The following FBXW4 variants were observed in gnomAD, a reference collection of about 807,000 sequenced individuals.
The protein encoded by FBXW4 is F-box and WD repeat domain containing 4.
FBXW4 carries 40 observed loss-of-function variants against 61.8 expected under a neutral mutation model. The ratio of observed to expected loss-of-function variants is 0.65; its 90% CI spans 0.50 to 0.84. The LOEUF (loss-of-function observed/expected upper bound fraction) is 0.84, where lower values mean the gene tolerates loss of function less well. FBXW4 is among the 40% of genes least tolerant of loss of function. The pLI, the probability that FBXW4 is intolerant of heterozygous loss-of-function variation, is 0.00. For missense variants in FBXW4, 672 were observed against 753.8 expected (o/e 0.89, Z 1.27); for synonymous variants, 311 against 313.8 (o/e 0.99, Z 0.10).
At chr10:101,614,094 A>G (rs971451591) in intron 6 of FBXW4, among the ~76,000 whole-genome samples, 5 of 152,162 alleles carry the variant, frequency 3.3e-5, no homozygotes, top group Non-Finnish European at 7.4e-5. Flanking sequence ...TAGGGGAGTC[A>G]TTCTCTCTCT....
intron 1 of FBXW4, among the ~76,000 whole-genome samples, chr10:101,677,928 C>A (rs1219243325): frequency 6.7e-6 from 1 of 150,348 alleles, no homozygotes; most frequent in Non-Finnish European, 1.5e-5. Flanking sequence ...GATATGTATG[C>A]ACACTGAAGC....
chr10:101,620,929 G>A (rs1436105452), intron 6 of FBXW4, among the ~76,000 whole-genome samples: 4 of 152,182 alleles, frequency 2.6e-5, no homozygotes, highest in South Asian at 2.1e-4. Flanking sequence ...AATCTGTACC[G>A]AAGAGTACCC....
intron 5 of FBXW4, among the ~76,000 whole-genome samples, chr10:101,666,706 T>G (rs2064303683): frequency 6.6e-6 from 1 of 152,136 alleles, no homozygotes; most frequent in South Asian, 2.1e-4. Flanking sequence ...GGATTCTGTC[T>G]TGGTTCCAGA....
intron 1 of FBXW4, chr10:101,676,859 A>C (rs1453540078): frequency 6.6e-6 from 1 of 152,478 alleles, no homozygotes. Flanking sequence ...CTCTCAGACT[A>C]AGAAGGTAGA....
chr10:101,613,445 G>T (rs936571820), intron 6 of FBXW4, among the ~76,000 whole-genome samples: 2 of 152,230 alleles, frequency 1.3e-5, no homozygotes, highest in Non-Finnish European at 2.9e-5. Context: ...CCCGTGAGAC[G>T]CTGGGCTTTC....
At chr10:101,633,557 C>T (rs1461368739) in intron 5 of FBXW4, among the ~76,000 whole-genome samples, 5 of 151,892 alleles carry the variant, frequency 3.3e-5, no homozygotes, top group Admixed American at 6.6e-5. Flanking sequence ...GTAACAAACC[C>T]GCACGTTCTG....
At position 101,695,063 on chromosome 10, in the gene FBXW4, G is replaced by GCCCGCCGTT; in HGVS notation, c.34_42dup (p.Asn12_Gly14dup). 25 of 993,160 alleles carry GCCCGCCGTT rather than the reference G, an allele frequency of 2.5e-5. No individual in the cohort carries two copies. The highest frequency in any genetic ancestry group is 3.0e-5 in the Non-Finnish European group (25 of 835,384). The allele number at this position is 993,160 out of a possible 1,614,324, so 61.5% of individuals were successfully genotyped here. A position where few individuals can be genotyped will look rare whatever the true frequency, so the allele number is the denominator to read the frequency against. Reference sequence around the variant, plus strand: ...GCCTCTCCGCCCTCGCCCTCGCCGGGCCCGCCGTTCCCGGGGGGCCCCGAG... The same window carrying GCCCGCCGTT: ...GCCTCTCCGCCCTCGCCCTCGCCGGGCCCGCCGTTCCCGCCGTTCCCGGGGGGCCCCGAG... On this transcript the variant is annotated inframe_insertion, in exon 1 of 9. Transcript: ENST00000331272. This position sits in a 1 kb window ranked among gnomAD's most constrained non-coding sequence, Gnocchi z 4.2.
chr10:101,660,301 T>C, intron 5 of FBXW4: 1 of 502,394 alleles, frequency 2.0e-6, no homozygotes, highest in Middle Eastern at 1.0e-3. Context: ...GTGGCTACAA[T>C]TACACACTTG....
At chr10:101,650,545 T>C (rs1347018071) in intron 5 of FBXW4, among the ~76,000 whole-genome samples, 1 of 152,000 alleles carries the variant, frequency 6.6e-6, no homozygotes, top group East Asian at 1.9e-4. Context: ...CCCTATGGGG[T>C]AGAACTAACC....
At chr10:101,613,644 T>C (rs1222348593) in intron 6 of FBXW4, among the ~76,000 whole-genome samples, 5 of 152,222 alleles carry the variant, frequency 3.3e-5, no homozygotes, top group African/African-American at 1.2e-4. Flanking sequence ...GCTCTCGTCC[T>C]TCCACCTCAC....
intron 6 of FBXW4, among the ~76,000 whole-genome samples, chr10:101,614,972 G>A (rs2063814782): frequency 1.3e-5 from 2 of 152,154 alleles, no homozygotes; most frequent in Admixed American, 6.5e-5. Flanking sequence ...AGATTGGCCC[G>A]ACAATAGCCC....
chr10:101,636,410 C>CA (rs1366413682), intron 5 of FBXW4, among the ~76,000 whole-genome samples: 1 of 148,348 alleles, frequency 6.7e-6, no homozygotes. Flanking sequence ...AAAAAAAAAA[C>CA]AAAAAAGAAT....
intron 6 of FBXW4, among the ~76,000 whole-genome samples, chr10:101,613,444 C>T (rs1276770734): frequency 2.0e-5 from 3 of 152,360 alleles, no homozygotes; most frequent in East Asian, 1.9e-4. Context: ...ACCCGTGAGA[C>T]GCTGGGCTTT....
At chr10:101,690,134 C>T (rs1055833697) in intron 1 of FBXW4, among the ~76,000 whole-genome samples, 4 of 152,182 alleles carry the variant, frequency 2.6e-5, no homozygotes, top group Non-Finnish European at 5.9e-5. Context: ...CACAGATGTA[C>T]TTTTTCTTTC....
At position 101,655,403 on chromosome 10, in the gene FBXW4, T is replaced by C. The variant is rs569318081; in HGVS notation, c.1235+12483A>G. On this transcript the variant is annotated intron_variant, in intron 5 of 8. Coordinates refer to ENST00000331272, the MANE Select transcript of FBXW4 (RefSeq NM_022039.4). Reference sequence around the variant, plus strand: ...CCTTTGAATAATTTGTGGTTTTTTTTCCTATTAATTTTTGTAAATTCTCAA... The same window carrying C: ...CCTTTGAATAATTTGTGGTTTTTTTCCCTATTAATTTTTGTAAATTCTCAA... Among the ~76,000 whole-genome samples the C allele has an allele frequency of 1.2e-4, 18 of 152,360 alleles. No homozygotes were observed. The South Asian group carries it at 3.3e-3, about 28-fold the overall frequency.
At chr10:101,676,663 T>A (rs2064411813) in intron 1 of FBXW4, 1 of 187,596 alleles carries the variant, frequency 5.3e-6, no homozygotes, top group African/African-American at 3.1e-5. Flanking sequence ...CAAAGCAATC[T>A]AATGGAGAAT....
At chr10:101,681,825 A>T (rs1235363399) in intron 1 of FBXW4, among the ~76,000 whole-genome samples, 4 of 151,700 alleles carry the variant, frequency 2.6e-5, no homozygotes, top group Non-Finnish European at 4.4e-5. Flanking sequence ...ATATCACATA[A>T]TTGTTGACAG....
chr10:101,694,700 C>G lies in FBXW4; in HGVS notation c.406G>C (p.Gly136Arg). 8.7e-6 allele frequency: 12 copies of G among 1,376,272 alleles called. No individual in the cohort carries two copies. The South Asian group carries it at 2.0e-4, about 23-fold the overall frequency. 85.3% of individuals were successfully genotyped at this position (1,376,272 alleles called of 1,614,324 possible). Residue 136 changes from glycine to arginine, a missense_variant, in exon 1 of 9, where the codon GGA becomes CGA. Physicochemically the swap from Gly to Arg is moderately radical, Grantham distance 125. Around this residue, in one of 5 missense-constraint regions of FBXW4, gnomAD observed 311 missense variants for 301.1 expected, o/e 1.03. Coordinates refer to ENST00000331272, the MANE Select transcript of FBXW4 (RefSeq NM_022039.4). This position sits in a 1 kb window ranked among gnomAD's most constrained non-coding sequence, Gnocchi z 6.0. ...RARRREGARP[G>R]RAQGRGGQAW... The stretch of plus-strand genomic sequence containing the variant: ...TGACCCCCTCGTCCCTGTGCTCTTC[C>G]CGGCCTGGCGCCCTCCCGCCGCCTA...
chr10:101,666,163 A>T (rs1461649773), intron 5 of FBXW4, among the ~76,000 whole-genome samples: 1 of 152,086 alleles, frequency 6.6e-6, no homozygotes, highest in Non-Finnish European at 1.5e-5. Flanking sequence ...GCTCCCACAC[A>T]CTTAGCCTCT....
Sources: allele counts gnomAD v4.1 joint callset (sites outside exome capture counted in the v4.1 genomes callset), GRCh38; gene constraint gnomAD v4.1.1; regional missense constraint gnomAD v4.1.1; non-coding constraint Gnocchi (gnomAD v3.1); transcripts MANE v1.5; gene names NCBI Gene and HGNC (gene_info 2026-07-23, HGNC 2026-07-21).